Variants in ZDHHC24 observed in about 807,000 individuals in gnomAD.
The protein encoded by ZDHHC24 is probable palmitoyltransferase ZDHHC24.
Under a neutral mutation model 23.2 loss-of-function variants are expected in ZDHHC24, and 17 were observed. The observed-to-expected ratio is 0.73, with a 90% CI of 0.50 to 1.10. ZDHHC24 has a LOEUF of 1.10. Among genes scored for constraint, ZDHHC24 ranks in the 50% least tolerant of loss-of-function variants. ZDHHC24 has a pLI of 0.00. For missense variants in ZDHHC24, 366 were observed against 393.0 expected (o/e 0.93, Z 0.58); for synonymous variants, 186 against 194.5 (o/e 0.96, Z 0.36).
At chr11:66,529,749 G>A in intron 2 of ZDHHC24, 1 of 1,584,638 alleles carries the variant, frequency 6.3e-7, no homozygotes. Flanking sequence ...CTGAGCAGGA[G>A]TGCCCCGTTG....
chr11:66,530,627 GT>G, downstream of ZDHHC24, among the ~76,000 whole-genome samples: 1 of 152,226 alleles, frequency 6.6e-6, no homozygotes, highest in Admixed American at 6.5e-5. Context: ...CAGGCAGGGG[GT>G]GGGGGTGAGG....
At chr11:66,522,515 T>G (rs1177704919) in intron 4 of ZDHHC24, among the ~76,000 whole-genome samples, 1 of 151,760 alleles carries the variant, frequency 6.6e-6, no homozygotes, top group Non-Finnish European at 1.5e-5. Flanking sequence ...ACCCAGCTAA[T>G]TTTTGTATTT....
At chr11:66,530,926 A>G, downstream of ZDHHC24, 1 of 1,614,012 alleles carries the variant, frequency 6.2e-7, no homozygotes, top group East Asian at 2.2e-5. Flanking sequence ...TTAAGCTCAC[A>G]CTTCACCTGC....
rs1481886403 is a variant in ZDHHC24 at position 66,545,047 on chromosome 11, T to C, written c.281+676A>G. Among the ~76,000 whole-genome samples, 1 of 152,042 alleles carries C rather than the reference T, an allele frequency of 6.6e-6. No homozygotes were observed. The highest frequency in any genetic ancestry group is 6.5e-5 in the Admixed American group (1 of 15,272). ...TACCACCTGTTTATTTATGTATTTATTTATTTGAGACGGAGGGAGTCTTGC... is the reference window on the plus strand; with the variant it reads ...TACCACCTGTTTATTTATGTATTTACTTATTTGAGACGGAGGGAGTCTTGC... On this transcript the variant is annotated intron_variant, in intron 1 of 2. Transcript: ENST00000310442. This position sits in a 1 kb window ranked among gnomAD's most constrained non-coding sequence, Gnocchi z 4.5.
At chr11:66,524,155 C>G in intron 4 of ZDHHC24, 1 of 446,232 alleles carries the variant, frequency 2.2e-6, no homozygotes, top group South Asian at 2.0e-5. Flanking sequence ...TGGTGCGTAC[C>G]TGTAATCCCA....
chr11:66,526,007 C>T (rs1036150024), intron 4 of ZDHHC24: 1 of 873,162 alleles, frequency 1.1e-6, no homozygotes, highest in Non-Finnish European at 1.9e-6. Context: ...CAGCGATTCC[C>T]CAGGCCTGTC....
exon 5 of ZDHHC24, chr11:66,521,351 A>G (rs76245106): frequency 6.2e-7 from 1 of 1,614,190 alleles, no homozygotes; most frequent in African/African-American, 1.3e-5. Flanking sequence ...GGCCTGCCGC[A>G]ATGGAAACAT....
chr11:66,546,044 C>G lies in ZDHHC24; in HGVS notation c.-41G>C. On this transcript the variant is annotated 5_prime_UTR_variant, in exon 1 of 3. Transcript: ENST00000310442. Reference sequence around the variant, plus strand: ...CTGTCGGAGCCGGAGGACTAGGCCGCTTCCGTATTGGGGCGGAGATAGCGG... The same window carrying G: ...CTGTCGGAGCCGGAGGACTAGGCCGGTTCCGTATTGGGGCGGAGATAGCGG... 1 of 1,368,646 alleles carries G rather than the reference C, an allele frequency of 7.3e-7. No homozygotes were observed. The highest frequency in any genetic ancestry group is 9.4e-7 in the Non-Finnish European group (1 of 1,068,646). The allele number at this position is 1,368,646 out of a possible 1,614,324, so 84.8% of individuals were successfully genotyped here. A position where few individuals can be genotyped will look rare whatever the true frequency, so the allele number is the denominator to read the frequency against.
At chr11:66,542,265 G>GC (rs1345890081) in intron 2 of ZDHHC24, among the ~76,000 whole-genome samples, 12 of 152,120 alleles carry the variant, frequency 7.9e-5, no homozygotes, top group African/African-American at 2.9e-4. Flanking sequence ...CATGAACATG[G>GC]CATGGCATCA....
At chr11:66,530,397 AC>A (rs1421162181) in intron 2 of ZDHHC24, among the ~76,000 whole-genome samples, 1 of 151,932 alleles carries the variant, frequency 6.6e-6, no homozygotes, top group Non-Finnish European at 1.5e-5. Flanking sequence ...AAAAGGAGGA[AC>A]CCCGCAAGGC....
chr11:66,531,921 C>G (rs1461570922), downstream of ZDHHC24: 2 of 1,568,346 alleles, frequency 1.3e-6, no homozygotes, highest in Admixed American at 3.8e-5. Context: ...GGGGTGTATG[C>G]CCCCTGCTGC....
At chr11:66,527,505 C>T (rs1191142395) in intron 3 of ZDHHC24, 1 of 180,984 alleles carries the variant, frequency 5.5e-6, no homozygotes, top group African/African-American at 2.4e-5. Flanking sequence ...CCTGTCTCTA[C>T]TAAAAATACA....
At position 66,543,753 on chromosome 11, in the gene ZDHHC24, G is replaced by A. The variant is rs764658497; in HGVS notation, c.510C>T (p.Pro170=). The change falls in exon 2 of 3, where the codon CCC becomes CCT. Residue 170 remains proline (P), a synonymous_variant. Coordinates refer to ENST00000310442, the MANE Select transcript of ZDHHC24 (RefSeq NM_207340.3). ...ALSALLRAHT[P]LHMAALLLLP... is the part of the protein sequence containing the mutation. ...GCAGGAGGAGGGCAGCCATGTGGAG[G>A]GGCGTGTGGGCTCGCAGCAGGGCCG... is the stretch of plus-strand genomic sequence containing the variant. 1.9e-6 allele frequency: 3 copies of A among 1,605,720 alleles called. No homozygotes were observed. The highest frequency in any genetic ancestry group is 2.7e-5 in the African/African-American group (2 of 74,814).
At chr11:66,544,868 G>A (rs1857263148) in intron 1 of ZDHHC24, among the ~76,000 whole-genome samples, 1 of 151,990 alleles carries the variant, frequency 6.6e-6, no homozygotes, top group East Asian at 1.9e-4. Flanking sequence ...TGTACCTGGT[G>A]TAATTTTTTT....
rs77400778 is a variant in ZDHHC24 at position 66,523,320 on chromosome 11, G to A, written c.*22-1854C>T. Reference sequence around the variant, plus strand: ...CACATTTACTAAGGTGGCAGAAGTGGAAATAATCCCAGGGTCATCTGCTTT... The same window carrying A: ...CACATTTACTAAGGTGGCAGAAGTGAAAATAATCCCAGGGTCATCTGCTTT... On this transcript the variant is annotated intron_variant, in intron 4 of 4. Transcript: ENST00000526986. 2.9e-3 allele frequency: 3,612 copies of A among 1,256,036 alleles called. 86 individuals carry two copies. In the African/African-American group the frequency reaches 0.048, roughly 17 times the overall value. The allele number at this position is 1,256,036 out of a possible 1,614,324, so 77.8% of individuals were successfully genotyped here. A position where few individuals can be genotyped will look rare whatever the true frequency, so the allele number is the denominator to read the frequency against.
chr11:66,527,917 G>A (rs1856591725), intron 3 of ZDHHC24, among the ~76,000 whole-genome samples: 2 of 152,108 alleles, frequency 1.3e-5, no homozygotes, highest in Non-Finnish European at 2.9e-5. Flanking sequence ...ATAGGCAGAG[G>A]CACAGGGTGT....
chr11:66,526,138 C>T, intron 4 of ZDHHC24: 1 of 1,614,208 alleles, frequency 6.2e-7, no homozygotes, highest in African/African-American at 1.3e-5. Context: ...AGTGACCAGC[C>T]TTTGCTTTGG....
At chr11:66,528,660 T>C (rs1856621115) in intron 3 of ZDHHC24, among the ~76,000 whole-genome samples, 1 of 152,098 alleles carries the variant, frequency 6.6e-6, no homozygotes, top group South Asian at 2.1e-4. Flanking sequence ...GACAACTTGC[T>C]TCTAGAAAAG....
chr11:66,527,170 C>T, intron 3 of ZDHHC24: 1 of 615,822 alleles, frequency 1.6e-6, no homozygotes, highest in Non-Finnish European at 2.9e-6. Context: ...CCCAGGAGTT[C>T]AAGACCTACC....
Sources: allele counts gnomAD v4.1 joint callset (sites outside exome capture counted in the v4.1 genomes callset), GRCh38; gene constraint gnomAD v4.1.1; non-coding constraint Gnocchi (gnomAD v3.1); transcripts MANE v1.5; gene names NCBI Gene and HGNC (gene_info 2026-07-23, HGNC 2026-07-21).